GRM7: variants seen among roughly 807,000 people sequenced by gnomAD.
GRM7 encodes the protein metabotropic glutamate receptor 7.
Under a neutral mutation model 84.5 loss-of-function variants are expected in GRM7, and 35 were observed. The observed-to-expected ratio is 0.41, with a 90% CI of 0.32 to 0.55. The LOEUF is 0.55. GRM7 is among the 20% of genes least tolerant of loss of function. The pLI, the probability that GRM7 is intolerant of heterozygous loss-of-function variation, is 0.19. For synonymous variants in GRM7, 487 were observed against 455.1 expected, an observed-to-expected ratio of 1.07 and a Z score of -0.89; for missense variants, 1,003 against 1,194.6, an observed-to-expected ratio of 0.84 and a Z score of 2.36.
At chr3:7,467,319 C>A (rs765816634) in intron 7 of GRM7, among the ~76,000 whole-genome samples, 6 of 152,134 alleles carry the variant, frequency 3.9e-5, no homozygotes, top group Non-Finnish European at 7.4e-5. Context: ...GATCTGCTGA[C>A]CTTGTAATCA....
chr3:7,279,708 A>C (rs1264375899), intron 2 of GRM7, among the ~76,000 whole-genome samples: 3 of 152,130 alleles, frequency 2.0e-5, no homozygotes, highest in African/African-American at 7.2e-5. Flanking sequence ...CTTCCATAAG[A>C]CACAGCTGAA....
intron 9 of GRM7, among the ~76,000 whole-genome samples, chr3:7,738,440 C>T (rs138861189): frequency 1.4e-4 from 22 of 152,230 alleles, no homozygotes; most frequent in Admixed American, 3.9e-4. Context: ...AAAGCATCAA[C>T]GGAATGCCAT....
At chr3:7,632,799 C>T (rs1697914097) in intron 8 of GRM7, among the ~76,000 whole-genome samples, 1 of 152,164 alleles carries the variant, frequency 6.6e-6, no homozygotes, top group African/African-American at 2.4e-5. Flanking sequence ...TATTTCCCAG[C>T]TGCATTTTGC....
intron 4 of GRM7, among the ~76,000 whole-genome samples, chr3:7,333,283 G>A (rs554619625): frequency 6.6e-6 from 1 of 152,238 alleles, no homozygotes; most frequent in East Asian, 1.9e-4. Flanking sequence ...AGCAGGTGCT[G>A]GACCTGAAGA....
In GRM7 at chr3:7,579,351, G is replaced by A. The variant is rs375705550; in HGVS notation, c.2445G>A (p.Ala815=). 2.5e-5 allele frequency: 39 copies of A among 1,535,806 alleles called. No individual in the cohort carries two copies. The highest frequency in any genetic ancestry group is 1.1e-4 in the East Asian group (5 of 43,792). The change falls in exon 8 of 10, where the codon GCG becomes GCA. Residue 815 remains alanine, a synonymous_variant. Coordinates refer to ENST00000357716, the MANE Select transcript of GRM7 (RefSeq NM_000844.4). ...IPIFFGTAQS[A]EKLYIQTTTL... ...TTTTTTTTGGCACCGCTCAATCAGCGGAAAAGGTAAGTGAAAATGCACATC... is the reference window on the plus strand; with the variant it reads ...TTTTTTTTGGCACCGCTCAATCAGCAGAAAAGGTAAGTGAAAATGCACATC...
chr3:7,449,188 G>T lies in GRM7; in HGVS notation c.1175-3419G>T, dbSNP rs139660044. ...TAGCAAAAAATAGCTTTTATATATA[G>T]ATGAAATACCAGTAAAATGATTCAT... On this transcript the variant is annotated intron_variant, in intron 5 of 9. Coordinates refer to ENST00000357716, the MANE Select transcript of GRM7 (RefSeq NM_000844.4). Among the ~76,000 whole-genome samples, 238 of 152,122 alleles carry T rather than the reference G, an allele frequency of 1.6e-3. 2 individuals carry two copies. The highest frequency in any genetic ancestry group is 5.6e-3 in the African/African-American group (231 of 41,560).
chr3:6,990,334 A>G (rs1694587287), intron 1 of GRM7, among the ~76,000 whole-genome samples: 1 of 152,258 alleles, frequency 6.6e-6, no homozygotes, highest in South Asian at 2.1e-4. Flanking sequence ...ATCTAATGGC[A>G]GTATTTCATG....
intron 8 of GRM7, among the ~76,000 whole-genome samples, chr3:7,614,369 T>C (rs1696984596): frequency 6.6e-6 from 1 of 152,154 alleles, no homozygotes; most frequent in Non-Finnish European, 1.5e-5. Context: ...CCACTTCCAG[T>C]CACCATCCCT....
chr3:7,311,259 A>G (rs1700381107), intron 4 of GRM7, among the ~76,000 whole-genome samples: 2 of 152,210 alleles, frequency 1.3e-5, no homozygotes, highest in Admixed American at 1.3e-4. Flanking sequence ...CTTCTTCTAC[A>G]GGAAGAATGA....
At chr3:7,144,407 A>T (rs191513716) in intron 1 of GRM7, among the ~76,000 whole-genome samples, 8 of 152,226 alleles carry the variant, frequency 5.3e-5, no homozygotes, top group African/African-American at 1.9e-4. Flanking sequence ...CAAAATAAAG[A>T]GTTGGATAAA....
intron 1 of GRM7, among the ~76,000 whole-genome samples, chr3:7,048,015 A>G (rs561257886): frequency 2.0e-5 from 3 of 152,140 alleles, no homozygotes; most frequent in East Asian, 1.9e-4. Flanking sequence ...TTCCTCTGAC[A>G]TGAATATAGT....
chr3:7,527,166 C>A (rs1575454099), intron 7 of GRM7, among the ~76,000 whole-genome samples: 1 of 151,828 alleles, frequency 6.6e-6, no homozygotes, highest in Admixed American at 6.6e-5. Context: ...AAAAGAGGGA[C>A]ATTTTTTCAT....
At chr3:7,018,079 G>A (rs1695641312) in intron 1 of GRM7, among the ~76,000 whole-genome samples, 1 of 152,098 alleles carries the variant, frequency 6.6e-6, no homozygotes, top group Non-Finnish European at 1.5e-5. Flanking sequence ...TAGTAACCAT[G>A]ATAAGAAAAA....
At chr3:7,484,761 G>T (rs570452001) in intron 7 of GRM7, among the ~76,000 whole-genome samples, 1 of 152,288 alleles carries the variant, frequency 6.6e-6, no homozygotes, top group South Asian at 2.1e-4. Flanking sequence ...GGTGTTGAGT[G>T]CTCCTTACCT....
At position 7,490,112 on chromosome 3, in the gene GRM7, G is replaced by GTT. The variant is rs1575410927; in HGVS notation, c.1515+28392_1515+28393dup. On this transcript the variant is annotated intron_variant, in intron 7 of 9. Transcript: ENST00000357716. ...ATATCAATTGAATTTTAAAATCCAA[G>GTT]TTTACATAACTGATAAACTGCCCAT... Among the ~76,000 whole-genome samples, 4 of 151,948 alleles carry GTT rather than the reference G, an allele frequency of 2.6e-5. No homozygotes were observed. The East Asian group carries it at 7.7e-4, about 29-fold the overall frequency.
intron 1 of GRM7, among the ~76,000 whole-genome samples, chr3:7,134,119 T>C (rs1370759255): frequency 6.6e-6 from 1 of 152,162 alleles, no homozygotes; most frequent in East Asian, 1.9e-4. Flanking sequence ...TTTCATTTTG[T>C]AGGTATTTCA....
intron 4 of GRM7, among the ~76,000 whole-genome samples, chr3:7,318,350 A>C (rs1337434362): frequency 1.3e-5 from 2 of 152,092 alleles, no homozygotes; most frequent in East Asian, 3.8e-4. Context: ...CCAGGAGCTC[A>C]CAAACTCACC....
At chr3:7,582,331 G>C (rs1695296685) in intron 8 of GRM7, among the ~76,000 whole-genome samples, 1 of 152,152 alleles carries the variant, frequency 6.6e-6, no homozygotes, top group African/African-American at 2.4e-5. Flanking sequence ...TTCATCTAGA[G>C]CTTTGTAGCC....
At chr3:7,525,410 G>A (rs1218177147) in intron 7 of GRM7, among the ~76,000 whole-genome samples, 3 of 152,004 alleles carry the variant, frequency 2.0e-5, no homozygotes, top group Non-Finnish European at 4.4e-5. Flanking sequence ...GGGGGGATGG[G>A]GTCTCCCTAT....
Sources: gnomAD v4.1 joint callset for allele counts (sites outside exome capture counted in the v4.1 genomes callset) on GRCh38, gnomAD v4.1.1 for gene constraint, MANE v1.5 for transcripts, NCBI Gene and HGNC (gene_info 2026-07-23, HGNC 2026-07-21) for gene names.